Variants in MYH15 observed in about 807,000 individuals in gnomAD.
MYH15 encodes myosin-15.
Under a neutral mutation model 240.5 loss-of-function variants are expected in MYH15, and 227 were observed. The ratio of observed to expected loss-of-function variants is 0.94; its 90% CI spans 0.85 to 1.05. The LOEUF (loss-of-function observed/expected upper bound fraction) is 1.05, where lower values mean the gene tolerates loss of function less well. Ranked by LOEUF, MYH15 falls within the 50% of genes least tolerant of loss-of-function variation. MYH15 has a pLI of 0.00. For missense variants in MYH15, 2,217 were observed against 2,247.5 expected, an observed-to-expected ratio of 0.99 and a Z score of 0.27; for synonymous variants, 785 against 796.7, an observed-to-expected ratio of 0.99 and a Z score of 0.25.
chr3:108,451,347 T>G (rs1011115936), intron 21 of MYH15, among the ~76,000 whole-genome samples: 4 of 151,686 alleles, frequency 2.6e-5, no homozygotes, highest in African/African-American at 7.3e-5. Flanking sequence ...GCCACTGCCC[T>G]CCAGCCTGGG....
At chr3:108,417,921 T>C (rs1443847942) in intron 28 of MYH15, among the ~76,000 whole-genome samples, 8 of 152,166 alleles carry the variant, frequency 5.3e-5, no homozygotes, top group African/African-American at 1.9e-4. Context: ...TTAAAAATCA[T>C]ATTTGTTAAC....
intron 1 of MYH15, among the ~76,000 whole-genome samples, chr3:108,509,292 T>C (rs2083502913): frequency 6.6e-6 from 1 of 152,218 alleles, no homozygotes; most frequent in African/African-American, 2.4e-5. Flanking sequence ...GGTGCTGATT[T>C]TAATAAATGC....
intron 4 of MYH15, among the ~76,000 whole-genome samples, 190 bp downstream of exon 4, chr3:108,499,928 A>T (rs1273638420): frequency 6.6e-6 from 1 of 152,214 alleles, no homozygotes; most frequent in East Asian, 1.9e-4. Flanking sequence ...TGTACAAACT[A>T]ATCGGCCCAA....
At chr3:108,407,925 T>G (rs2082558384) in intron 32 of MYH15, among the ~76,000 whole-genome samples, 1 of 152,232 alleles carries the variant, frequency 6.6e-6, no homozygotes, top group South Asian at 2.1e-4. Context: ...GCTGAGATTC[T>G]GAATTTCTAA....
intron 1 of MYH15, among the ~76,000 whole-genome samples, chr3:108,506,962 C>T (rs996911674): frequency 2.6e-5 from 4 of 151,904 alleles, no homozygotes; most frequent in Non-Finnish European, 4.4e-5. Context: ...ACCAGAGAGT[C>T]GGAGGTTGCA....
In MYH15 at chr3:108,403,523, A is replaced by T. The variant is rs1160436908; in HGVS notation, c.4736+1815T>A. Among the ~76,000 whole-genome samples the T allele has an allele frequency of 6.2e-5, 8 of 128,926 alleles. 1 individual carries two copies. Among genetic ancestry groups the T allele is most frequent in the Non-Finnish European group, 9.5e-5 (6 of 62,842 alleles). 84.6% of individuals were successfully genotyped at this position (128,926 alleles called of 152,430 possible). Reference sequence around the variant, plus strand: ...TTTTTTTTTTTTTTTTCCTCCTGGCATTCTATTCAGTTTCCTTAAGATGCC... The same window carrying T: ...TTTTTTTTTTTTTTTTCCTCCTGGCTTTCTATTCAGTTTCCTTAAGATGCC... On this transcript the variant is annotated intron_variant, in intron 33 of 40. Transcript: ENST00000693548.
chr3:108,383,292 A>C (rs2082356904), intron 40 of MYH15, among the ~76,000 whole-genome samples: 1 of 152,166 alleles, frequency 6.6e-6, no homozygotes, highest in African/African-American at 2.4e-5. Context: ...TGTTCCATGG[A>C]CTCCTGACTA....
At chr3:108,381,582 G>C in intron 40 of MYH15, 23 bp from the exon 41 acceptor site, 2 of 1,613,046 alleles carry the variant, frequency 1.2e-6, no homozygotes, top group Non-Finnish European at 1.7e-6. Flanking sequence ...ATGTCAGTGT[G>C]TTCTGTGAAT....
intron 14 of MYH15, among the ~76,000 whole-genome samples, chr3:108,466,495 T>A (rs1193918491): frequency 6.6e-6 from 1 of 152,204 alleles, no homozygotes; most frequent in African/African-American, 2.4e-5. Flanking sequence ...TGCCTTGACA[T>A]CTGGGAAAAA....
chr3:108,463,450 G>C (rs1456103660), intron 15 of MYH15, among the ~76,000 whole-genome samples: 1 of 151,988 alleles, frequency 6.6e-6, no homozygotes, highest in South Asian at 2.1e-4. Context: ...GAGTAGCTGG[G>C]ACTATAGGCA....
At chr3:108,431,985 G>A (rs773891256) in intron 25 of MYH15, among the ~76,000 whole-genome samples, 3 of 152,128 alleles carry the variant, frequency 2.0e-5, no homozygotes, top group African/African-American at 7.2e-5. Context: ...TATGACTTAG[G>A]GTACCTGGTG....
At position 108,428,612 on chromosome 3, in the gene MYH15, C is replaced by T. The variant is rs1158803131; in HGVS notation, c.3582G>A (p.Glu1194=). The change falls in exon 27 of 41, where the codon GAG becomes GAA. Residue 1194 remains glutamate (E), a synonymous_variant. Transcript: ENST00000693548. ...LKKRHADSLA[E]LEGQVENLQQ... The stretch of plus-strand genomic sequence containing the variant: ...GTAGATTTTCTACCTGGCCCTCGAG[C>T]TCAGCCAGGCTGTCTGCATGTCTCT... The T allele has an allele frequency of 6.2e-6, 10 of 1,613,948 alleles. No homozygotes were observed. The highest frequency in any genetic ancestry group is 1.1e-5 in the South Asian group (1 of 91,050).
intron 1 of MYH15, among the ~76,000 whole-genome samples, chr3:108,523,996 T>TA (rs536023085): frequency 6.6e-6 from 1 of 151,932 alleles, no homozygotes; most frequent in Admixed American, 6.6e-5. Flanking sequence ...TTTGCCGTTA[T>TA]AAAAAAATGT....
chr3:108,395,632 T>C (rs1490146467), intron 35 of MYH15, among the ~76,000 whole-genome samples: 1 of 120,518 alleles, frequency 8.3e-6, no homozygotes, highest in East Asian at 3.3e-4. Flanking sequence ...TTTTTTTTTC[T>C]TTCTTTTTTT....
Position 108,480,174 on chromosome 3 carries a change from C to A in MYH15, c.1115-3659G>T, listed in dbSNP as rs528078147. 2.7e-4 allele frequency among the ~76,000 whole-genome samples: 40 copies of A among 149,980 alleles called. 1 individual carries two copies. The South Asian group carries it at 7.9e-3, about 30-fold the overall frequency. On this transcript the variant is annotated intron_variant, in intron 11 of 40. Transcript: ENST00000693548. ...ACTGTGAAGTAGGGAAAGAGCCCTT[C>A]TGGACTGCATGACTGGGGAAGGATT... is the stretch of plus-strand genomic sequence containing the variant.
At chr3:108,520,643 A>G (rs1439787731) in intron 1 of MYH15, among the ~76,000 whole-genome samples, 1 of 152,168 alleles carries the variant, frequency 6.6e-6, no homozygotes, top group Non-Finnish European at 1.5e-5. Context: ...CTCATTCCTC[A>G]AATGCTTGCT....
At chr3:108,410,027 C>G (rs560386476) in intron 31 of MYH15, among the ~76,000 whole-genome samples, 26 of 152,224 alleles carry the variant, frequency 1.7e-4, no homozygotes, top group African/African-American at 6.3e-4. Flanking sequence ...ATGCTGGAGC[C>G]GTGCTGGCTG....
chr3:108,426,386 C>A (rs1417453159), intron 27 of MYH15, among the ~76,000 whole-genome samples: 1 of 152,050 alleles, frequency 6.6e-6, no homozygotes, highest in Non-Finnish European at 1.5e-5. Flanking sequence ...TTGATGGAAA[C>A]GTGATTTCAA....
chr3:108,467,748 C>T (rs569402127), intron 14 of MYH15, among the ~76,000 whole-genome samples: 2 of 152,120 alleles, frequency 1.3e-5, no homozygotes, highest in East Asian at 1.9e-4. Flanking sequence ...TATGTATAAC[C>T]ATAAATATGT....
Sources: gnomAD v4.1 joint callset for allele counts (sites outside exome capture counted in the v4.1 genomes callset) on GRCh38, gnomAD v4.1.1 for gene constraint, MANE v1.5 for transcripts, NCBI Gene and HGNC (gene_info 2026-07-23, HGNC 2026-07-21) for gene names.